The following MYT1L variants were observed in gnomAD, a reference collection of about 807,000 sequenced individuals.
MYT1L encodes myelin transcription factor 1-like protein.
Under a neutral mutation model 126.7 loss-of-function variants are expected in MYT1L, and 12 were observed. The observed-to-expected ratio is 0.09, with a 90% CI of 0.06 to 0.15. The LOEUF (loss-of-function observed/expected upper bound fraction) is 0.15. Among genes scored for constraint, MYT1L ranks in the 10% least tolerant of loss-of-function variants. MYT1L has a pLI of 1.00. For missense variants in MYT1L, 979 were observed against 1,585.2 expected, an observed-to-expected ratio of 0.62 and a Z score of 6.49; for synonymous variants, 541 against 604.2, an observed-to-expected ratio of 0.90 and a Z score of 1.53.
intron 21 of MYT1L, 96 bp downstream of exon 21, chr2:1,839,053 G>T (rs1018830565): frequency 5.6e-6 from 6 of 1,068,620 alleles, no homozygotes; most frequent in Non-Finnish European, 8.0e-6. Context: ...CACAGGTGAC[G>T]GGAGAAGCTG....
chr2:1,906,417 T>C (rs2051066526), intron 13 of MYT1L, among the ~76,000 whole-genome samples: 1 of 152,186 alleles, frequency 6.6e-6, no homozygotes, highest in Non-Finnish European at 1.5e-5. Flanking sequence ...TAGGCATCCA[T>C]GTAGATAATG....
intron 8 of MYT1L, among the ~76,000 whole-genome samples, chr2:1,970,542 C>A (rs1394958308): frequency 1.3e-5 from 2 of 152,202 alleles, no homozygotes; most frequent in African/African-American, 4.8e-5. Context: ...ATGAGAGGGG[C>A]ATCCCGTGGT....
intron 21 of MYT1L, among the ~76,000 whole-genome samples, chr2:1,829,285 A>G (rs111250039): frequency 1.6e-4 from 24 of 145,958 alleles, no homozygotes; most frequent in East Asian, 4.2e-4. Context: ...ACCCTCCCAT[A>G]CACCTGTGAA....
At chr2:2,298,431 T>A (rs182008379) in intron 1 of MYT1L, among the ~76,000 whole-genome samples, 128 of 152,326 alleles carry the variant, frequency 8.4e-4, no homozygotes, top group Non-Finnish European at 1.2e-3. Flanking sequence ...AGGAGGAATG[T>A]TTTAGTTTAA....
chr2:2,094,648 C>A (rs1324917249), intron 3 of MYT1L, among the ~76,000 whole-genome samples: 1 of 152,002 alleles, frequency 6.6e-6, no homozygotes, highest in Non-Finnish European at 1.5e-5. Flanking sequence ...TGGAAACCAT[C>A]ATTCTCAGCA....
chr2:2,185,369 G>A (rs2092001448), intron 2 of MYT1L, among the ~76,000 whole-genome samples: 1 of 152,226 alleles, frequency 6.6e-6, no homozygotes, highest in South Asian at 2.1e-4. Flanking sequence ...TCAAATATGA[G>A]TAACTCACCA....
chr2:1,966,454 T>G (rs11127298), intron 8 of MYT1L, among the ~76,000 whole-genome samples: 30,853 of 152,146 alleles, frequency 0.2, 4,341 homozygotes, highest in African/African-American at 0.4. Context: ...TCCATTGATG[T>G]GGGTGTAAAC....
At chr2:2,004,269 G>GAATA (rs2149685469) in intron 4 of MYT1L, among the ~76,000 whole-genome samples, 1 of 146,816 alleles carries the variant, frequency 6.8e-6, no homozygotes, top group African/African-American at 2.5e-5. Context: ...GTTCTTTCCT[G>GAATA]CAGGCGTTCT....
intron 1 of MYT1L, among the ~76,000 whole-genome samples, chr2:2,330,359 T>C (rs1365154605): frequency 6.6e-6 from 1 of 152,194 alleles, no homozygotes; most frequent in Non-Finnish European, 1.5e-5. Context: ...ATATTTTTGC[T>C]TTATTCAGAT....
chr2:2,006,663 C>T (rs1574461937), intron 4 of MYT1L, among the ~76,000 whole-genome samples: 2 of 152,168 alleles, frequency 1.3e-5, no homozygotes, highest in South Asian at 2.1e-4. Flanking sequence ...GCAACCTCTG[C>T]CTCCTGGGTT....
chr2:2,292,803 C>G (rs986026181), intron 1 of MYT1L, among the ~76,000 whole-genome samples: 1 of 152,122 alleles, frequency 6.6e-6, no homozygotes, highest in Non-Finnish European at 1.5e-5. Context: ...CTGTATCTGA[C>G]AAACTATTCT....
intron 21 of MYT1L, among the ~76,000 whole-genome samples, chr2:1,818,800 C>G (rs1371739591): frequency 1.3e-5 from 2 of 152,226 alleles, no homozygotes; most frequent in Non-Finnish European, 2.9e-5. Context: ...GGTCCCTTCT[C>G]AAGCCAAGAT....
chr2:2,047,196 A>C (rs529044010), intron 4 of MYT1L, among the ~76,000 whole-genome samples: 36 of 152,258 alleles, frequency 2.4e-4, no homozygotes, highest in Non-Finnish European at 5.0e-4. Flanking sequence ...AGATTTATTC[A>C]TTTCATTTCT....
intron 3 of MYT1L, among the ~76,000 whole-genome samples, chr2:2,103,976 C>T (rs548269008): frequency 5.3e-5 from 8 of 152,254 alleles, no homozygotes; most frequent in African/African-American, 1.9e-4. Flanking sequence ...ATGATGGACT[C>T]ACCTCTGAGC....
At chr2:2,040,003 T>A (rs1170148191) in intron 4 of MYT1L, among the ~76,000 whole-genome samples, 1 of 152,154 alleles carries the variant, frequency 6.6e-6, no homozygotes, top group Non-Finnish European at 1.5e-5. Flanking sequence ...TACAGGTGTA[T>A]GCGTGAGGGC....
intron 3 of MYT1L, among the ~76,000 whole-genome samples, chr2:2,103,629 A>G (rs1270584361): frequency 6.6e-6 from 1 of 152,238 alleles, no homozygotes; most frequent in South Asian, 2.1e-4. Flanking sequence ...ACCCACGTGC[A>G]GAGGTGGGCT....
intron 1 of MYT1L, among the ~76,000 whole-genome samples, chr2:2,321,812 T>C (rs928974670): frequency 1.8e-4 from 28 of 152,296 alleles, no homozygotes; most frequent in African/African-American, 6.0e-4. Flanking sequence ...CCGATATCCT[T>C]GAGGTAATTT....
chr2:1,930,636 A>G (rs1189152231), intron 9 of MYT1L, among the ~76,000 whole-genome samples: 2 of 152,200 alleles, frequency 1.3e-5, no homozygotes, highest in Non-Finnish European at 2.9e-5. Context: ...AGCTGTGAGT[A>G]CAGGTGAGGA....
rs2054641514 is a variant in MYT1L at position 1,929,336 on chromosome 2, T to C, written c.506-6073A>G. On this transcript the variant is annotated intron_variant, in intron 9 of 24. Transcript: ENST00000647738. The surrounding 1 kb of genome is among the most constrained non-coding windows in gnomAD (Gnocchi z 4.7). ...CCGCACCCCTCCTCTGCCTCCCTCA[T>C]CCTCTACTGCCAGTGAGGCCCTTCA... is the stretch of plus-strand genomic sequence containing the variant. Among the ~76,000 whole-genome samples the C allele has an allele frequency of 6.6e-6, 1 of 151,990 alleles. No individual in the cohort carries two copies. Among genetic ancestry groups the C allele is most frequent in the African/African-American group, 2.4e-5 (1 of 41,400 alleles).
Sources: allele counts gnomAD v4.1 joint callset (sites outside exome capture counted in the v4.1 genomes callset), GRCh38; gene constraint gnomAD v4.1.1; non-coding constraint Gnocchi (gnomAD v3.1); transcripts MANE v1.5; gene names NCBI Gene and HGNC (gene_info 2026-07-23, HGNC 2026-07-21).